PPP6R3: variants seen among roughly 807,000 people sequenced by gnomAD.
PPP6R3 encodes the protein serine/threonine-protein phosphatase 6 regulatory subunit 3.
In PPP6R3, 38 loss-of-function variants were observed where a neutral mutation model predicts 110.7. That is an observed-to-expected ratio of 0.34 (90% confidence interval 0.26 to 0.45). The LOEUF (loss-of-function observed/expected upper bound fraction) is 0.45, where lower values mean the gene tolerates loss of function less well. Ranked by LOEUF, PPP6R3 falls within the 20% of genes least tolerant of loss-of-function variation. PPP6R3 has a pLI of 1.00. For synonymous variants in PPP6R3, 369 were observed against 373.5 expected (o/e 0.99, Z 0.14); for missense variants, 870 against 1,062.4 (o/e 0.82, Z 2.52).
intron 5 of PPP6R3, among the ~76,000 whole-genome samples, chr11:68,550,442 G>A (rs2099366314): frequency 6.6e-6 from 1 of 152,006 alleles, no homozygotes; most frequent in Non-Finnish European, 1.5e-5. Context: ...GGTGTTTTGG[G>A]CTTCTTATGG....
chr11:68,477,741 A>AAAAATATATATATATAT, intron 1 of PPP6R3, among the ~76,000 whole-genome samples: 18 of 57,906 alleles, frequency 3.1e-4, no homozygotes, highest in South Asian at 6.0e-4. Context: ...AAAAAAAAAA[A>AAAAATATATATATATAT]ATATATATAT....
chr11:68,550,986 G>A, intron 5 of PPP6R3, 135 bp from the exon 6 acceptor site: 1 of 621,008 alleles, frequency 1.6e-6, no homozygotes. Flanking sequence ...TTAATTTTCT[G>A]TAGTGTTCAA....
At chr11:68,569,707 A>G (rs754521974) in intron 10 of PPP6R3, 41 bp from the exon 11 acceptor site, 11 of 1,490,774 alleles carry the variant, frequency 7.4e-6, no homozygotes, top group Non-Finnish European at 9.1e-6. Flanking sequence ...TGGCTTAAAC[A>G]TTGAGGTAAC....
At chr11:68,472,275 G>A (rs375636154) in intron 1 of PPP6R3, among the ~76,000 whole-genome samples, 46 of 152,322 alleles carry the variant, frequency 3.0e-4, no homozygotes, top group Middle Eastern at 3.4e-3. Flanking sequence ...ACATTGGTGC[G>A]TGTGGTTGTG....
chr11:68,572,013 A>AT (rs556453650), intron 12 of PPP6R3, among the ~76,000 whole-genome samples: 199 of 146,002 alleles, frequency 1.4e-3, no homozygotes, highest in African/African-American at 3.6e-3. Flanking sequence ...GTGAGGTTTG[A>AT]TTTTTTTTTT....
intron 1 of PPP6R3, among the ~76,000 whole-genome samples, chr11:68,466,371 T>C (rs1053970123): frequency 1.3e-5 from 2 of 151,752 alleles, no homozygotes; most frequent in African/African-American, 4.8e-5. Context: ...AAGAAGCAAG[T>C]AAAAGGGCAT....
intron 14 of PPP6R3, among the ~76,000 whole-genome samples, chr11:68,579,059 A>G (rs1035028204): frequency 6.6e-5 from 10 of 152,228 alleles, no homozygotes; most frequent in African/African-American, 2.4e-4. Flanking sequence ...CTTCTTTCCC[A>G]TCATTGACAA....
At position 68,603,119 on chromosome 11, in the gene PPP6R3, A is replaced by G. The variant is rs190845310; in HGVS notation, c.2300-223A>G. Among the ~76,000 whole-genome samples, 240 of 144,658 alleles carry G rather than the reference A, an allele frequency of 1.7e-3. 1 individual carries two copies. The highest frequency in any genetic ancestry group is 3.0e-3 in the Non-Finnish European group (192 of 64,760). 94.9% of individuals were successfully genotyped at this position (144,658 alleles called of 152,430 possible). The stretch of plus-strand genomic sequence containing the variant: ...CTGGGAGGGATGTAGGCGACTTGCT[A>G]GTCTCTAGTAAAGAAAACCCATGAA... On this transcript the variant is annotated intron_variant, in intron 21 of 23. Coordinates refer to ENST00000393800, the MANE Select transcript of PPP6R3 (RefSeq NM_001164161.2).
intron 7 of PPP6R3, among the ~76,000 whole-genome samples, chr11:68,555,531 C>T (rs1306336190): frequency 6.6e-6 from 1 of 152,154 alleles, no homozygotes; most frequent in Non-Finnish European, 1.5e-5. Flanking sequence ...GTGAATGGCT[C>T]CCATAGTAGA....
At chr11:68,519,917 A>T (rs1460802071) in intron 2 of PPP6R3, among the ~76,000 whole-genome samples, 1 of 152,198 alleles carries the variant, frequency 6.6e-6, no homozygotes, top group Non-Finnish European at 1.5e-5. Context: ...ATGACCAGCC[A>T]GGCCTAGTAA....
At chr11:68,516,562 G>A (rs953481103) in intron 1 of PPP6R3, among the ~76,000 whole-genome samples, 3 of 152,162 alleles carry the variant, frequency 2.0e-5, no homozygotes, top group Non-Finnish European at 4.4e-5. Flanking sequence ...GGGATACTCC[G>A]TCTCTACCAT....
chr11:68,602,550 T>A (rs2099635084), intron 21 of PPP6R3, among the ~76,000 whole-genome samples: 1 of 152,050 alleles, frequency 6.6e-6, no homozygotes, highest in Non-Finnish European at 1.5e-5. Context: ...CAAAAGGATG[T>A]GGAGGGCACG....
intron 22 of PPP6R3, among the ~76,000 whole-genome samples, chr11:68,607,750 A>G (rs994066681): frequency 2.0e-5 from 3 of 151,078 alleles, no homozygotes; most frequent in Non-Finnish European, 4.4e-5. Context: ...TATCTAATCT[A>G]TCATCTGTCA....
At chr11:68,553,512 C>T (rs1270374962) in intron 6 of PPP6R3, among the ~76,000 whole-genome samples, 1 of 151,972 alleles carries the variant, frequency 6.6e-6, no homozygotes, top group African/African-American at 2.4e-5. Context: ...ACACTGGGCT[C>T]GAACTCCTGA....
Position 68,466,517 on chromosome 11 carries a change from C to G in PPP6R3, c.-158+5690C>G, listed in dbSNP as rs1279043921. 3.3e-5 allele frequency among the ~76,000 whole-genome samples: 5 copies of G among 150,676 alleles called. No homozygotes were observed. In the South Asian group the frequency reaches 8.3e-4, roughly 25 times the overall value. ...GCAGTGGCGTGGTCTCGGCTCACTGCCAGCTCTGCCTCCCGGGTTCACGCC... is the reference window on the plus strand; with the variant it reads ...GCAGTGGCGTGGTCTCGGCTCACTGGCAGCTCTGCCTCCCGGGTTCACGCC... On this transcript the variant is annotated intron_variant, in intron 1 of 23. Transcript: ENST00000393800.
intron 1 of PPP6R3, among the ~76,000 whole-genome samples, chr11:68,509,463 C>T (rs1295806626): frequency 2.0e-4 from 27 of 137,360 alleles, no homozygotes; most frequent in African/African-American, 7.7e-4. Context: ...TTTTATTTTA[C>T]TTCTCTATTT....
chr11:68,558,490 G>T (rs2099407609), intron 7 of PPP6R3, 76 bp from the exon 8 acceptor site: 1 of 883,928 alleles, frequency 1.1e-6, no homozygotes, highest in Non-Finnish European at 1.8e-6. Context: ...TGCTTGTCTT[G>T]TACCGTCGTC....
chr11:68,563,469 C>G (rs1565869771), intron 8 of PPP6R3, among the ~76,000 whole-genome samples: 1 of 152,202 alleles, frequency 6.6e-6, no homozygotes, highest in Non-Finnish European at 1.5e-5. Context: ...TCTTTCATCT[C>G]AAGATCTTTA....
chr11:68,591,535 T>A (rs1344898291), intron 17 of PPP6R3, 41 bp from the exon 18 acceptor site: 2 of 1,530,276 alleles, frequency 1.3e-6, no homozygotes, highest in Admixed American at 2.1e-5. Context: ...AACTTGACTT[T>A]AAATTTATTT....
Sources: allele counts gnomAD v4.1 joint callset (sites outside exome capture counted in the v4.1 genomes callset), GRCh38; gene constraint gnomAD v4.1.1; transcripts MANE v1.5; gene names NCBI Gene and HGNC (gene_info 2026-07-23, HGNC 2026-07-21).